Variants in MEIS3 observed in about 807,000 individuals in gnomAD.
The protein encoded by MEIS3 is Meis homeobox 3.
A neutral mutation model predicts 51.4 loss-of-function variants in MEIS3; 38 were observed. The ratio of observed to expected loss-of-function variants is 0.74; its 90% CI spans 0.57 to 0.97. The LOEUF (loss-of-function observed/expected upper bound fraction) is 0.97, where lower values mean the gene tolerates loss of function less well. MEIS3 is among the 50% of genes least tolerant of loss of function. The pLI, the probability that MEIS3 is intolerant of heterozygous loss-of-function variation, is 0.00. For synonymous variants in MEIS3, 198 were observed against 201.8 expected, an observed-to-expected ratio of 0.98 and a Z score of 0.16; for missense variants, 456 against 502.6, an observed-to-expected ratio of 0.91 and a Z score of 0.89.
In MEIS3 at chr19:47,416,957, C is replaced by T. The variant is rs756281973; in HGVS notation, c.192G>A (p.Pro64=). The change falls in exon 3 of 13, where the codon CCG becomes CCA. Residue 64 remains proline (P), a synonymous_variant. Coordinates refer to ENST00000558555, the MANE Select transcript of MEIS3 (RefSeq NM_001301059.2). ...AGACCAGGGCCAAGAGGGGGAAGAG[C>T]GGGTGTCTGGGGAGGCAGGAAAGGA... ...KREKDEIYGH[P]LFPLLALVFE... 3.3e-5 allele frequency: 52 copies of T among 1,583,424 alleles called. No individual in the cohort carries two copies. Among genetic ancestry groups the T allele is most frequent in the African/African-American group, 2.3e-4 (17 of 74,152 alleles).
chr19:47,403,766 G>C (rs1457373650), intron 12 of MEIS3, among the ~76,000 whole-genome samples: 1 of 151,976 alleles, frequency 6.6e-6, no homozygotes, highest in Non-Finnish European at 1.5e-5. Context: ...GGTGAGGGAG[G>C]GAGAGACCTA....
At chr19:47,415,015 G>A in intron 5 of MEIS3, 36 bp downstream of exon 5, 1 of 1,532,376 alleles carries the variant, frequency 6.5e-7, no homozygotes, top group Non-Finnish European at 8.9e-7. Flanking sequence ...GGATGACAGG[G>A]GCAAGTGAGG....
In MEIS3 at chr19:47,407,322, C is replaced by A. The variant is rs201228615; in HGVS notation, c.935+30G>T. On this transcript the variant is annotated intron_variant, in intron 9 of 12. Coordinates refer to ENST00000558555, the MANE Select transcript of MEIS3 (RefSeq NM_001301059.2). ...ACAGCGCCCGGGCTCTCGCCCCGGG[C>A]CGGCCCGCGGGCCCTCCTGGGCCAC... 5.1e-4 allele frequency: 824 copies of A among 1,602,954 alleles called. 1 individual carries two copies. Among genetic ancestry groups the A allele is most frequent in the Middle Eastern group, 2.1e-3 (11 of 5,334 alleles).
chr19:47,407,532 C>A, intron 8 of MEIS3, 104 bp from the exon 9 acceptor site: 1 of 1,598,456 alleles, frequency 6.3e-7, no homozygotes, highest in South Asian at 1.1e-5. Flanking sequence ...CAGGCCCAGG[C>A]AGACGTCTGG....
At chr19:47,422,095 A>T (rs1971728193), upstream of MEIS3, among the ~76,000 whole-genome samples, 1 of 149,696 alleles carries the variant, frequency 6.7e-6, no homozygotes, top group African/African-American at 2.5e-5. Flanking sequence ...CACGCCATCC[A>T]TCACCCGAGC....
chr19:47,417,222 G>A lies in MEIS3; in HGVS notation c.141C>T (p.Gly47=), dbSNP rs776314021. 6 of 1,587,296 alleles carry A rather than the reference G, an allele frequency of 3.8e-6. No individual in the cohort carries two copies. Among genetic ancestry groups the A allele is most frequent in the Non-Finnish European group, 5.1e-6 (6 of 1,168,420 alleles). The part of the protein sequence containing the change: ...PHRPPQPLPP[G]LDSDGLKREK... ...CCCTCTTCAGGCCGTCGCTGTCCAA[G>A]CCTGGGGGCAGGGGCTGGGGAGGCC... Residue 47 remains glycine (G), a synonymous_variant, in exon 2 of 13, where the codon GGC becomes GGT. Transcript: ENST00000558555.
At chr19:47,405,510 T>C (rs1469646299) in intron 12 of MEIS3, among the ~76,000 whole-genome samples, 1 of 152,140 alleles carries the variant, frequency 6.6e-6, no homozygotes, top group East Asian at 1.9e-4. Context: ...GACCAGAATC[T>C]TCTCAAGATC....
intron 2 of MEIS3, 97 bp downstream of exon 2, chr19:47,417,081 G>C: frequency 2.6e-6 from 4 of 1,538,486 alleles, no homozygotes; most frequent in Non-Finnish European, 3.5e-6. Context: ...AGGAGACAGA[G>C]ACTCGTACAC....
At chr19:47,412,289 C>T (rs972824311) in intron 6 of MEIS3, 8 of 152,238 alleles carry the variant, frequency 5.3e-5, no homozygotes, top group African/African-American at 1.4e-4. Flanking sequence ...TGGGTTAAAT[C>T]TGCCAAGTGG....
chr19:47,418,927 C>T, intron 1 of MEIS3, 143 bp downstream of exon 1: 1 of 469,522 alleles, frequency 2.1e-6, no homozygotes, highest in Non-Finnish European at 3.4e-6. Flanking sequence ...CTGGGAGACC[C>T]AGGGGCGGAG....
At chr19:47,421,792 T>C (rs536907457), upstream of MEIS3, among the ~76,000 whole-genome samples, 42 of 151,488 alleles carry the variant, frequency 2.8e-4, no homozygotes, top group Admixed American at 4.6e-4. Context: ...TCTGGATGTC[T>C]TCTCTGCCTC....
Position 47,410,159 on chromosome 19 carries a change from C to T in MEIS3, c.598-612G>A, listed in dbSNP as rs149477473. Among the ~76,000 whole-genome samples the T allele has an allele frequency of 7.3e-3, 1,097 of 150,754 alleles. 14 individuals carry two copies. Among genetic ancestry groups the T allele is most frequent in the African/African-American group, 0.025 (1,023 of 41,066 alleles). On this transcript the variant is annotated intron_variant, in intron 6 of 12. Transcript: ENST00000558555. ...CCATCTCTACTAAAAATACAAAAAC[C>T]AGGCTGGCTTGGGCACAGTGGCTCA... is the stretch of plus-strand genomic sequence containing the variant.
chr19:47,415,124 G>T, intron 4 of MEIS3, 23 bp from the exon 5 acceptor site: 10 of 1,484,386 alleles, frequency 6.7e-6, no homozygotes, highest in Non-Finnish European at 8.2e-6. Flanking sequence ...GCGGGAGGTG[G>T]GGGGAGACAG....
chr19:47,413,248 C>G (rs1231405093), intron 6 of MEIS3, among the ~76,000 whole-genome samples: 1 of 151,880 alleles, frequency 6.6e-6, no homozygotes, highest in Non-Finnish European at 1.5e-5. Context: ...CAAAAATTAG[C>G]CCGGTGTGGT....
rs1412186896 is a variant in MEIS3 at position 47,417,362 on chromosome 19, TGAGAA to T, written c.13-17_13-13del. 3 of 1,612,456 alleles carry T rather than the reference TGAGAA, an allele frequency of 1.9e-6. No homozygotes were observed. The highest frequency in any genetic ancestry group is 2.5e-6 in the Non-Finnish European group (3 of 1,179,444). ...GGCAGCTCATCATACTGGGGGAAGG[TGAGAA>T]GAGAAGGGCGGAGCCCCAGGGAGGG... is the stretch of plus-strand genomic sequence containing the variant. On this transcript the variant is annotated splice_polypyrimidine_tract_variant and intron_variant, in intron 1 of 12. Coordinates refer to ENST00000558555, the MANE Select transcript of MEIS3 (RefSeq NM_001301059.2).
chr19:47,404,551 G>C (rs1278149394), intron 12 of MEIS3, among the ~76,000 whole-genome samples: 1 of 152,134 alleles, frequency 6.6e-6, no homozygotes. Flanking sequence ...ACAGCCACGA[G>C]ATTTCCAAGC....
At position 47,409,100 on chromosome 19, in the gene MEIS3, G is replaced by A. The variant is rs199742918; in HGVS notation, c.857C>T (p.Ser286Leu). 1.4e-4 allele frequency: 229 copies of A among 1,609,264 alleles called. No homozygotes were observed. The highest frequency in any genetic ancestry group is 2.2e-4 in the Middle Eastern group (1 of 4,578). The change falls in exon 8 of 13, where the codon TCG (serine) becomes TTG (leucine). Residue 286 changes from serine to leucine, a missense_variant and splice_region_variant. Physicochemically the swap from Ser to Leu is moderately radical, Grantham distance 145. Transcript: ENST00000558555. ...GCACCTGGGCAGCAGGGCTCTCACCGAGAGGTGCTGGAACAACCAGGCTCG... is the reference window on the plus strand; with the variant it reads ...GCACCTGGGCAGCAGGGCTCTCACCAAGAGGTGCTGGAACAACCAGGCTCG... ...IMRAWLFQHLSHPYPSEEQKK... is the reference protein window; with the variant it reads ...IMRAWLFQHLLHPYPSEEQKK...
upstream of MEIS3, among the ~76,000 whole-genome samples, chr19:47,421,059 C>T (rs12609444): frequency 4.0e-5 from 6 of 150,880 alleles, no homozygotes; most frequent in South Asian, 4.2e-4. Context: ...GGTGCTGGAG[C>T]GGGGGTGCCT....
intron 6 of MEIS3, among the ~76,000 whole-genome samples, chr19:47,411,152 G>T (rs779206961): frequency 5.9e-5 from 9 of 152,100 alleles, no homozygotes; most frequent in Admixed American, 6.5e-5. Flanking sequence ...GGCCAGGCTG[G>T]TCTCGAACTC....
Sources: gnomAD v4.1 joint callset for allele counts (sites outside exome capture counted in the v4.1 genomes callset) on GRCh38, gnomAD v4.1.1 for gene constraint, MANE v1.5 for transcripts, NCBI Gene and HGNC (gene_info 2026-07-23, HGNC 2026-07-21) for gene names.